The following GRM7 variants were observed in gnomAD, a reference collection of about 807,000 sequenced individuals.
GRM7 encodes metabotropic glutamate receptor 7.
Under a neutral mutation model 84.5 loss-of-function variants are expected in GRM7, and 35 were observed. The observed-to-expected ratio is 0.41, with a 90% CI of 0.32 to 0.55. The LOEUF (loss-of-function observed/expected upper bound fraction) is 0.55, where lower values mean the gene tolerates loss of function less well. GRM7 is among the 20% of genes least tolerant of loss of function. The pLI is 0.19. For missense variants in GRM7, 1,003 were observed against 1,194.6 expected (o/e 0.84, Z 2.36); for synonymous variants, 487 against 455.1 (o/e 1.07, Z -0.89).
chr3:7,308,981 A>G (rs1272134816), intron 4 of GRM7, among the ~76,000 whole-genome samples: 1 of 152,250 alleles, frequency 6.6e-6, no homozygotes, highest in Non-Finnish European at 1.5e-5. Context: ...AGTAAAAATT[A>G]AGATTCCAAA....
At chr3:7,290,588 G>A (rs1350187297) in intron 2 of GRM7, among the ~76,000 whole-genome samples, 1 of 152,122 alleles carries the variant, frequency 6.6e-6, no homozygotes, top group African/African-American at 2.4e-5. Flanking sequence ...TGAGAGGTGT[G>A]GTCCTCACTG....
intron 1 of GRM7, among the ~76,000 whole-genome samples, chr3:7,034,015 G>A (rs1017956196): frequency 1.2e-4 from 19 of 152,056 alleles, no homozygotes; most frequent in Admixed American, 4.6e-4. Flanking sequence ...CAGGTCTTAT[G>A]GTATGAATCT....
At chr3:7,233,306 C>T (rs968429448) in intron 2 of GRM7, among the ~76,000 whole-genome samples, 1 of 152,122 alleles carries the variant, frequency 6.6e-6, no homozygotes, top group Non-Finnish European at 1.5e-5. Context: ...TTCTTGATCA[C>T]TGGTAAGTTT....
chr3:7,685,281 T>A (rs1162636311), intron 9 of GRM7, among the ~76,000 whole-genome samples: 2 of 152,238 alleles, frequency 1.3e-5, no homozygotes, highest in Non-Finnish European at 2.9e-5. Flanking sequence ...TTGGCTCTCA[T>A]GCTTTCTTTA....
At chr3:7,128,437 G>C (rs1034877598) in intron 1 of GRM7, among the ~76,000 whole-genome samples, 2 of 150,802 alleles carry the variant, frequency 1.3e-5, no homozygotes, top group Non-Finnish European at 2.9e-5. Context: ...TCTTATTTGA[G>C]ATTATGTTTT....
At chr3:7,189,345 G>A (rs1695629950) in intron 2 of GRM7, among the ~76,000 whole-genome samples, 1 of 152,136 alleles carries the variant, frequency 6.6e-6, no homozygotes, top group Non-Finnish European at 1.5e-5. Flanking sequence ...CTATCTTCCA[G>A]TTGTGGCACT....
chr3:7,308,892 G>T, intron 4 of GRM7, among the ~76,000 whole-genome samples: 1 of 152,076 alleles, frequency 6.6e-6, no homozygotes, highest in East Asian at 1.9e-4. Context: ...AATTATTGAG[G>T]TAAAATATTA....
intron 1 of GRM7, among the ~76,000 whole-genome samples, chr3:6,922,873 C>G (rs186300560): frequency 6.6e-6 from 1 of 152,254 alleles, no homozygotes; most frequent in Admixed American, 6.5e-5. Flanking sequence ...ATTAGTTGTG[C>G]TTAAATGGAT....
At chr3:7,131,097 A>T (rs979643939) in intron 1 of GRM7, among the ~76,000 whole-genome samples, 7 of 152,102 alleles carry the variant, frequency 4.6e-5, no homozygotes, top group Non-Finnish European at 8.8e-5. Context: ...TCATATATTC[A>T]TCCAGGAGCT....
chr3:7,070,441 C>G (rs1697828354), intron 1 of GRM7, among the ~76,000 whole-genome samples: 2 of 152,038 alleles, frequency 1.3e-5, no homozygotes, highest in South Asian at 4.1e-4. Context: ...AAAAACAAAA[C>G]TTTTTCATTC....
At chr3:7,368,018 A>C (rs1176859761) in intron 4 of GRM7, among the ~76,000 whole-genome samples, 1 of 127,396 alleles carries the variant, frequency 7.8e-6, no homozygotes, top group African/African-American at 2.6e-5. Flanking sequence ...AATCCTTAAG[A>C]AAAAATTCTA....
At chr3:6,943,160 T>C (rs1290446562) in intron 1 of GRM7, among the ~76,000 whole-genome samples, 2 of 151,852 alleles carry the variant, frequency 1.3e-5, no homozygotes, top group Middle Eastern at 3.2e-3. Context: ...TGGCAGCATA[T>C]CTTTTTGTTT....
intron 4 of GRM7, among the ~76,000 whole-genome samples, chr3:7,344,060 A>G (rs1692776006): frequency 6.6e-6 from 1 of 151,896 alleles, no homozygotes; most frequent in Non-Finnish European, 1.5e-5. Flanking sequence ...AAAGATATAC[A>G]TACCTTTAAT....
At chr3:7,244,415 A>G (rs927383209) in intron 2 of GRM7, among the ~76,000 whole-genome samples, 2 of 152,080 alleles carry the variant, frequency 1.3e-5, no homozygotes, top group African/African-American at 4.8e-5. Context: ...CTAAAATGTA[A>G]TGTGTGAGAC....
intron 8 of GRM7, among the ~76,000 whole-genome samples, chr3:7,667,415 G>T (rs1699748574): frequency 1.3e-5 from 2 of 152,096 alleles, no homozygotes; most frequent in African/African-American, 4.8e-5. Flanking sequence ...CTATGTAGGA[G>T]ACTTCGGTAT....
chr3:6,864,216 T>A (rs1694864681), intron 1 of GRM7, among the ~76,000 whole-genome samples: 2 of 152,198 alleles, frequency 1.3e-5, no homozygotes, highest in African/African-American at 4.8e-5. Flanking sequence ...CCTGCGTTTA[T>A]GGAGAAGAGG....
chr3:7,104,701 T>A (rs1214655871), intron 1 of GRM7, among the ~76,000 whole-genome samples: 1 of 151,702 alleles, frequency 6.6e-6, no homozygotes, highest in Non-Finnish European at 1.5e-5. Flanking sequence ...TTTTTATCAG[T>A]CATCAAGCCC....
chr3:6,926,691 A>G (rs2125039101), intron 1 of GRM7, among the ~76,000 whole-genome samples: 1 of 152,316 alleles, frequency 6.6e-6, no homozygotes, highest in Non-Finnish European at 1.5e-5. Context: ...TTCTTGCAAA[A>G]AGCCGATGCA....
chr3:7,678,228 G>T (rs974828538), intron 8 of GRM7, among the ~76,000 whole-genome samples: 4 of 151,968 alleles, frequency 2.6e-5, no homozygotes, highest in Non-Finnish European at 2.9e-5. Context: ...GTTGAAAAAA[G>T]AAAACATATG....
Sources: gnomAD v4.1 joint callset for allele counts (sites outside exome capture counted in the v4.1 genomes callset) on GRCh38, gnomAD v4.1.1 for gene constraint, MANE v1.5 for transcripts, NCBI Gene and HGNC (gene_info 2026-07-23, HGNC 2026-07-21) for gene names.